GRM3: variants seen among roughly 807,000 people sequenced by gnomAD.
GRM3 encodes the protein glutamate metabotropic receptor 3.
In GRM3, 26 loss-of-function variants were observed where a neutral mutation model predicts 70.5. That is an observed-to-expected ratio of 0.37 (90% CI 0.27 to 0.51). The LOEUF (loss-of-function observed/expected upper bound fraction) is 0.51. Ranked by LOEUF, GRM3 falls within the 20% of genes least tolerant of loss-of-function variation. The pLI, the probability that GRM3 is intolerant of heterozygous loss-of-function variation, is 0.93. For synonymous variants in GRM3, 443 were observed against 434.9 expected, an observed-to-expected ratio of 1.02 and a Z score of -0.23; for missense variants, 859 against 1,123.8, an observed-to-expected ratio of 0.76 and a Z score of 3.37.
chr7:86,834,804 T>G (rs542569670), intron 3 of GRM3, among the ~76,000 whole-genome samples: 15 of 152,050 alleles, frequency 9.9e-5, no homozygotes, highest in Non-Finnish European at 1.8e-4. Flanking sequence ...TTGATAATAA[T>G]GAAATTAATA....
chr7:86,728,711 C>G (rs548161059), intron 1 of GRM3, among the ~76,000 whole-genome samples: 1 of 152,150 alleles, frequency 6.6e-6, no homozygotes, highest in Non-Finnish European at 1.5e-5. Flanking sequence ...TCATTTGCCA[C>G]ACACAGAGCA....
At chr7:86,769,283 A>T (rs1408175634) in intron 2 of GRM3, among the ~76,000 whole-genome samples, 1 of 152,150 alleles carries the variant, frequency 6.6e-6, no homozygotes, top group Admixed American at 6.6e-5. Flanking sequence ...GCCGGGGGAA[A>T]AAAGAGGGTG....
At chr7:86,687,582 T>A (rs1794597079) in intron 1 of GRM3, among the ~76,000 whole-genome samples, 2 of 151,302 alleles carry the variant, frequency 1.3e-5, no homozygotes, top group South Asian at 4.2e-4. Flanking sequence ...AAGCCGAGAA[T>A]GTTTTTCTGG....
intron 1 of GRM3, among the ~76,000 whole-genome samples, chr7:86,653,831 A>G (rs181963848): frequency 6.6e-6 from 1 of 152,246 alleles, no homozygotes; most frequent in East Asian, 1.9e-4. Context: ...ATAAGTTACT[A>G]GTGTTTGAAG....
At chr7:86,710,574 G>T (rs1438311313) in intron 1 of GRM3, among the ~76,000 whole-genome samples, 2 of 125,156 alleles carry the variant, frequency 1.6e-5, no homozygotes, top group African/African-American at 3.1e-5. Flanking sequence ...GGTGGGGGGT[G>T]GGGGGAGGGG....
chr7:86,698,554 T>TA (rs1794881600), intron 1 of GRM3, among the ~76,000 whole-genome samples: 1 of 141,484 alleles, frequency 7.1e-6, no homozygotes, highest in African/African-American at 2.8e-5. Context: ...CACATTATTA[T>TA]TATATATATA....
At chr7:86,661,961 A>T (rs1430885087) in intron 1 of GRM3, among the ~76,000 whole-genome samples, 1 of 151,804 alleles carries the variant, frequency 6.6e-6, no homozygotes. Context: ...ATCTTATATA[A>T]TAATATTTTT....
At chr7:86,697,832 A>G (rs1355534411) in intron 1 of GRM3, among the ~76,000 whole-genome samples, 1 of 152,102 alleles carries the variant, frequency 6.6e-6, no homozygotes, top group Non-Finnish European at 1.5e-5. Context: ...AGATACCAGA[A>G]CCCATCTCTT....
intron 1 of GRM3, among the ~76,000 whole-genome samples, chr7:86,717,530 G>C (rs531479825): frequency 6.6e-6 from 1 of 151,808 alleles, no homozygotes; most frequent in Non-Finnish European, 1.5e-5. Context: ...AAAAATTTAC[G>C]AGACTATTAC....
intron 1 of GRM3, among the ~76,000 whole-genome samples, chr7:86,684,517 G>A (rs980813622): frequency 2.0e-5 from 3 of 152,158 alleles, no homozygotes; most frequent in Admixed American, 6.5e-5. Flanking sequence ...TATGATTCTC[G>A]AAACTTTCAC....
In GRM3 at chr7:86,671,251, T is replaced by C. The variant is rs115309857; in HGVS notation, c.-141+26379T>C. 3.5e-3 allele frequency among the ~76,000 whole-genome samples: 533 copies of C among 152,326 alleles called. 4 individuals are homozygous for C. The highest frequency in any genetic ancestry group is 0.012 in the African/African-American group (506 of 41,586). Reference sequence around the variant, plus strand: ...TTTCATAGATGTGCCCTTCCATATATTTCTGCAACCATTTTAATAGCACCT... The same window carrying C: ...TTTCATAGATGTGCCCTTCCATATACTTCTGCAACCATTTTAATAGCACCT... On this transcript the variant is annotated intron_variant, in intron 1 of 5. Transcript: ENST00000361669.
At chr7:86,822,785 A>C (rs1215415117) in intron 3 of GRM3, among the ~76,000 whole-genome samples, 2 of 152,188 alleles carry the variant, frequency 1.3e-5, no homozygotes, top group Admixed American at 6.5e-5. Flanking sequence ...TAGTCCAAAA[A>C]TTGGGAAAGG....
chr7:86,689,665 T>C (rs1280843120), intron 1 of GRM3, among the ~76,000 whole-genome samples: 1 of 152,062 alleles, frequency 6.6e-6, no homozygotes, highest in South Asian at 2.1e-4. Context: ...TACTGGCCAA[T>C]AAGAATGTGA....
rs17161027 is a variant in GRM3 at position 86,839,434 on chromosome 7, C to T, written c.1920C>T (p.Ile640=). The T allele has an allele frequency of 4.4e-4, 705 of 1,613,802 alleles. 2 individuals are homozygous for T. The highest frequency in any genetic ancestry group is 5.5e-4 in the Non-Finnish European group (645 of 1,179,858). The change falls in exon 4 of 6, where the codon ATC becomes ATT. Residue 640 remains isoleucine (I), a synonymous_variant. Transcript: ENST00000361669. This position sits in a 1 kb window ranked among gnomAD's most constrained non-coding sequence, Gnocchi z 4.5. ...FFFIAKPSPV[I]CALRRLGLGS... ...TCATTGCCAAGCCATCACCAGTCAT[C>T]TGTGCATTGCGCCGACTCGGGCTGG...
intron 3 of GRM3, among the ~76,000 whole-genome samples, chr7:86,800,365 GA>G (rs1223270742): frequency 1.3e-5 from 2 of 151,784 alleles, no homozygotes; most frequent in African/African-American, 4.8e-5. Flanking sequence ...TTGGTTTTCA[GA>G]AAAAAATAAT....
At chr7:86,835,194 T>G (rs145981355) in intron 3 of GRM3, among the ~76,000 whole-genome samples, 2,231 of 152,186 alleles carry the variant, frequency 0.015, 29 homozygotes, top group Non-Finnish European at 0.02. Flanking sequence ...GGAAAATTAT[T>G]AACTTAGTAC....
At chr7:86,812,174 G>A (rs188902979) in intron 3 of GRM3, among the ~76,000 whole-genome samples, 1 of 151,864 alleles carries the variant, frequency 6.6e-6, no homozygotes, top group Admixed American at 6.6e-5. Context: ...AAAGTAATGA[G>A]ACTGTTAAAA....
chr7:86,665,254 A>C (rs1174761269), intron 1 of GRM3, among the ~76,000 whole-genome samples: 2 of 152,046 alleles, frequency 1.3e-5, no homozygotes, highest in South Asian at 2.1e-4. Context: ...CAATTCTATC[A>C]CTTATAAGCT....
chr7:86,701,870 G>A (rs114948702), intron 1 of GRM3, among the ~76,000 whole-genome samples: 1,952 of 151,900 alleles, frequency 0.013, 36 homozygotes, highest in African/African-American at 0.045. Flanking sequence ...AATTTCCCAT[G>A]CATATGATTG....
Sources: gnomAD v4.1 joint callset for allele counts (sites outside exome capture counted in the v4.1 genomes callset) on GRCh38, gnomAD v4.1.1 for gene constraint, Gnocchi (gnomAD v3.1) non-coding constraint, MANE v1.5 for transcripts, NCBI Gene and HGNC (gene_info 2026-07-23, HGNC 2026-07-21) for gene names.